The following SLC17A7 variants were observed in gnomAD, a reference collection of about 807,000 sequenced individuals.
The protein encoded by SLC17A7 is solute carrier family 17 member 7, also known as vesicular glutamate transporter 1.
SLC17A7 carries 15 observed loss-of-function variants against 59.1 expected under a neutral mutation model. That is an observed-to-expected ratio of 0.25 (90% CI 0.17 to 0.39). The LOEUF (loss-of-function observed/expected upper bound fraction) is 0.39, where lower values mean the gene tolerates loss of function less well. SLC17A7 is among the 10% of genes least tolerant of loss of function. The probability of loss-of-function intolerance (pLI) is 1.00; values close to 1 mark genes in which losing one functional copy is unlikely to be tolerated. For missense variants in SLC17A7, 499 were observed against 765.1 expected (o/e 0.65, Z 4.10); for synonymous variants, 353 against 308.9 (o/e 1.14, Z -1.50).
chr19:49,433,291 C>T lies in SLC17A7; in HGVS notation c.868-331G>A. On this transcript the variant is annotated intron_variant, in intron 7 of 11. Transcript: ENST00000221485. The surrounding 1 kb of genome is among the most constrained non-coding windows in gnomAD (Gnocchi z 5.7). ...GTATTTTGAGTAGAGACGGGGGTTT[C>T]GCCATGTTGCCCAAGCTGGTCTGGA... The T allele has an allele frequency of 2.6e-6, 1 of 389,836 alleles. No homozygotes were observed. 24.1% of individuals were successfully genotyped at this position (389,836 alleles called of 1,614,324 possible).
In SLC17A7 at chr19:49,429,457, A is replaced by G; in HGVS notation, c.*1062T>C. On this transcript the variant is annotated 3_prime_UTR_variant, in exon 12 of 12. Transcript: ENST00000221485. Reference sequence around the variant, plus strand: ...GGCAGGGCAGGATTTACAGTCACAGAGACAGAGACACAAAGACACAACCCT... The same window carrying G: ...GGCAGGGCAGGATTTACAGTCACAGGGACAGAGACACAAAGACACAACCCT... 2.5e-6 allele frequency: 1 copy of G among 399,186 alleles called. No homozygotes were observed. The highest frequency in any genetic ancestry group is 4.4e-6 in the Non-Finnish European group (1 of 226,154). 24.7% of individuals were successfully genotyped at this position (399,186 alleles called of 1,614,324 possible).
At chr19:49,437,519 C>CAG (rs1300828548) in intron 1 of SLC17A7, 2 of 152,768 alleles carry the variant, frequency 1.3e-5, no homozygotes, top group East Asian at 1.9e-4. Context: ...AGAGAGGCTG[C>CAG]AGAGAGAGAG....
In SLC17A7 at chr19:49,437,492, G is replaced by A. The variant is rs568505659; in HGVS notation, c.63-691C>T. 2.0e-3 allele frequency: 314 copies of A among 153,888 alleles called. 2 individuals carry two copies. Among genetic ancestry groups the A allele is most frequent in the South Asian group, 0.02 (98 of 4,890 alleles). The allele number at this position is 153,888 out of a possible 1,614,324, so 9.5% of individuals were successfully genotyped here. A position where few individuals can be genotyped will look rare whatever the true frequency, so the allele number is the denominator to read the frequency against. ...GTGATGACGAAGAGGGTATTTGGAG[G>A]GCTGCCTCAAACCCAGAGAGAGGCT... On this transcript the variant is annotated intron_variant, in intron 1 of 11. Transcript: ENST00000221485.
Position 49,431,957 on chromosome 19 carries a change from T to A in SLC17A7, c.1151-509A>T, listed in dbSNP as rs994314837. ...CCCTGCCTGTTTTTTAATTTTTAAT[T>A]GTAATTTTAATTTTTCTAGAAACAA... is the stretch of plus-strand genomic sequence containing the variant. On this transcript the variant is annotated intron_variant, in intron 9 of 11. Coordinates refer to ENST00000221485, the MANE Select transcript of SLC17A7 (RefSeq NM_020309.4). The surrounding 1 kb of genome is among the most constrained non-coding windows in gnomAD (Gnocchi z 4.6). Among the ~76,000 whole-genome samples, 11 of 152,072 alleles carry A rather than the reference T, an allele frequency of 7.2e-5. No homozygotes were observed. Among genetic ancestry groups the A allele is most frequent in the African/African-American group, 2.7e-4 (11 of 41,386 alleles).
chr19:49,439,049 C>T (rs2078990086), intron 1 of SLC17A7, among the ~76,000 whole-genome samples: 1 of 151,986 alleles, frequency 6.6e-6, no homozygotes, highest in Non-Finnish European at 1.5e-5. Flanking sequence ...GAAGGGAGAC[C>T]CTAGATGTAA....
In SLC17A7 at chr19:49,429,762, T is replaced by A. The variant is rs1252871281; in HGVS notation, c.*757A>T. ...TGGTGGTAGCTTCAAACCTTTGAGT[T>A]CATGGACTGGAGCAGCCACTATTTA... On this transcript the variant is annotated 3_prime_UTR_variant, in exon 12 of 12. Coordinates refer to ENST00000221485, the MANE Select transcript of SLC17A7 (RefSeq NM_020309.4). The A allele has an allele frequency of 7.6e-6, 3 of 394,664 alleles. No homozygotes were observed. The highest frequency in any genetic ancestry group is 8.9e-5 in the Admixed American group (2 of 22,562). The allele number at this position is 394,664 out of a possible 1,614,324, so 24.4% of individuals were successfully genotyped here. A position where few individuals can be genotyped will look rare whatever the true frequency, so the allele number is the denominator to read the frequency against.
At chr19:49,437,362 T>G (rs2078983617) in intron 1 of SLC17A7, 1 of 153,926 alleles carries the variant, frequency 6.5e-6, no homozygotes, top group Admixed American at 6.1e-5. Context: ...GGAGGGGGAG[T>G]GGCGGGTGGT....
rs78027392 is a variant in SLC17A7, at chr19:49,430,551, G to A, written c.1651C>T (p.Pro551Ser). The change falls in exon 12 of 12, where the codon CCC (proline) becomes TCC (serine). Residue 551 changes from proline to serine, a missense_variant. Coordinates refer to ENST00000221485, the MANE Select transcript of SLC17A7 (RefSeq NM_020309.4). ...TCCCGGACAGGGGGTGGGGGCCTGGGGGGCTGAAATGTGCTGTGTGTGGCC... is the reference window on the plus strand; with the variant it reads ...TCCCGGACAGGGGGTGGGGGCCTGGAGGGCTGAAATGTGCTGTGTGTGGCC... ...YGATHSTFQPPRPPPPVRDY is the reference protein window; with the variant it reads ...YGATHSTFQPSRPPPPVRDY 5.8e-5 allele frequency: 92 copies of A among 1,597,826 alleles called. No homozygotes were observed. In the East Asian group the frequency reaches 2.0e-3, roughly 35 times the overall value.
rs1029786572 is a variant in SLC17A7 at position 49,429,908 on chromosome 19, T to C, written c.*611A>G. On this transcript the variant is annotated 3_prime_UTR_variant, in exon 12 of 12. Transcript: ENST00000221485. ...AGGGAGAAGAGGGTCTTGAGAAATT[T>C]GGTGCTTTCGCAGAATCTGCTGGTA... 4.3e-6 allele frequency: 1 copy of C among 234,554 alleles called. No homozygotes were observed. The highest frequency in any genetic ancestry group is 8.2e-6 in the Non-Finnish European group (1 of 121,414). The allele number at this position is 234,554 out of a possible 1,614,324, so 14.5% of individuals were successfully genotyped here.
At chr19:49,434,390 G>C (rs894520270) in intron 5 of SLC17A7, among the ~76,000 whole-genome samples, 2 of 149,338 alleles carry the variant, frequency 1.3e-5, no homozygotes, top group African/African-American at 2.5e-5. Flanking sequence ...TCAGACCCAA[G>C]AGTCCAGGCC....
At chr19:49,432,016 G>A (rs1393847934) in intron 9 of SLC17A7, among the ~76,000 whole-genome samples, 3 of 151,986 alleles carry the variant, frequency 2.0e-5, no homozygotes, top group African/African-American at 2.4e-5. Context: ...GGAGTGCTGC[G>A]GCGCGATCAT....
Position 49,429,839 on chromosome 19 carries a change from T to C in SLC17A7, c.*680A>G. 2.9e-6 allele frequency: 1 copy of C among 346,760 alleles called. No individual in the cohort carries two copies. The highest frequency in any genetic ancestry group is 5.2e-6 in the Non-Finnish European group (1 of 192,856). 21.5% of individuals were successfully genotyped at this position (346,760 alleles called of 1,614,324 possible). A position where few individuals can be genotyped will look rare whatever the true frequency, so the allele number is the denominator to read the frequency against. On this transcript the variant is annotated 3_prime_UTR_variant, in exon 12 of 12. Transcript: ENST00000221485. ...GCACGGGGGTAGAGAGGCATATTGTTAAAATTGCGATTTTGGTTGTTTCCC... is the reference window on the plus strand; with the variant it reads ...GCACGGGGGTAGAGAGGCATATTGTCAAAATTGCGATTTTGGTTGTTTCCC...
At chr19:49,438,861 C>T (rs1046415734) in intron 1 of SLC17A7, among the ~76,000 whole-genome samples, 6 of 152,102 alleles carry the variant, frequency 3.9e-5, no homozygotes, top group African/African-American at 1.4e-4. Context: ...TGTCAGATCT[C>T]TAATCAAGGC....
rs1051030869 is a variant in SLC17A7, at chr19:49,436,484, A to T, written c.315+65T>A. The T allele has an allele frequency of 2.5e-6, 4 of 1,576,874 alleles. No individual in the cohort carries two copies. In the African/African-American group the frequency reaches 5.4e-5, roughly 21 times the overall value. ...ACGTCTGGTGGGTGAGTGTGACGTC[A>T]TGGGGGCGTAGGCGGAGCTCGGTGA... is the stretch of plus-strand genomic sequence containing the variant. On this transcript the variant is annotated intron_variant, in intron 2 of 11. Coordinates refer to ENST00000221485, the MANE Select transcript of SLC17A7 (RefSeq NM_020309.4). The surrounding 1 kb of genome is among the most constrained non-coding windows in gnomAD (Gnocchi z 4.1).
intron 5 of SLC17A7, 91 bp downstream of exon 5, chr19:49,434,510 GC>G (rs995133145): frequency 2.9e-5 from 33 of 1,156,672 alleles, no homozygotes; most frequent in East Asian, 5.0e-5. Flanking sequence ...CAGGAGTTCA[GC>G]CCCCCCAGCC....
chr19:49,430,671 C>A lies in SLC17A7; in HGVS notation c.1531G>T (p.Val511Phe), dbSNP rs145455204. 3.0e-5 allele frequency: 49 copies of A among 1,614,156 alleles called. No individual in the cohort carries two copies. In the African/African-American group the frequency reaches 5.9e-4, roughly 19 times the overall value. Residue 511 changes from valine (V) to phenylalanine (F), a missense_variant, in exon 12 of 12, where the codon GTT becomes TTT. Coordinates refer to ENST00000221485, the MANE Select transcript of SLC17A7 (RefSeq NM_020309.4). Reference sequence around the variant, plus strand: ...CTGCCAGCCAGCTGGTCATGGCCAACGAAGCCACACTTCTCCTCGCTCATC... The same window carrying A: ...CTGCCAGCCAGCTGGTCATGGCCAAAGAAGCCACACTTCTCCTCGCTCATC... ...EEMSEEKCGFVGHDQLAGSDD... is the reference protein window; with the variant it reads ...EEMSEEKCGFFGHDQLAGSDD...
Position 49,432,625 on chromosome 19 carries a change from G to T in SLC17A7, c.1044C>A (p.His348Gln). The change falls in exon 9 of 12, where the codon CAC becomes CAA. Residue 348 changes from histidine (H) to glutamine (Q), a missense_variant. His to Gln is a conservative substitution (Grantham distance 24). Around this residue, in one of 3 missense-constraint regions of SLC17A7, gnomAD observed 323 missense variants for 607.2 expected, o/e 0.53. Transcript: ENST00000221485. The stretch of plus-strand genomic sequence containing the variant: ...TGGGCACGATGATGGTCATGACCAG[G>T]TGGGGCAGCGCGGACACCAGGCCTA... ...SKVGLVSALP[H>Q]LVMTIIVPIG... is the part of the protein sequence containing the mutation. 6.2e-7 allele frequency: 1 copy of T among 1,613,676 alleles called. No individual in the cohort carries two copies. The highest frequency in any genetic ancestry group is 8.5e-7 in the Non-Finnish European group (1 of 1,179,908).
chr19:49,439,338 G>C (rs946582682), intron 1 of SLC17A7, among the ~76,000 whole-genome samples: 2 of 152,086 alleles, frequency 1.3e-5, no homozygotes, highest in Non-Finnish European at 2.9e-5. Flanking sequence ...AACAGCAATG[G>C]GACCTGATCC....
chr19:49,435,610 G>A (rs1219857149), intron 2 of SLC17A7: 2 of 235,742 alleles, frequency 8.5e-6, no homozygotes, highest in South Asian at 1.4e-4. Flanking sequence ...CAGCTTATGA[G>A]CGTTTGCGGA....
Sources: gnomAD v4.1 joint callset for allele counts (sites outside exome capture counted in the v4.1 genomes callset) on GRCh38, gnomAD v4.1.1 for gene constraint, gnomAD v4.1.1 regional missense constraint, Gnocchi (gnomAD v3.1) non-coding constraint, MANE v1.5 for transcripts, NCBI Gene and HGNC (gene_info 2026-07-23, HGNC 2026-07-21) for gene names.